SOX5: variants seen among roughly 807,000 people sequenced by gnomAD.
SOX5 encodes the protein transcription factor SOX-5.
A neutral mutation model predicts 92.0 loss-of-function variants in SOX5; 9 were observed. The ratio of observed to expected loss-of-function variants is 0.10; its 90% CI spans 0.06 to 0.17. The LOEUF (loss-of-function observed/expected upper bound fraction) is 0.17, where lower values mean the gene tolerates loss of function less well. Ranked by LOEUF, SOX5 falls within the 10% of genes least tolerant of loss-of-function variation. SOX5 has a pLI of 1.00. For missense variants in SOX5, 642 were observed against 944.5 expected (o/e 0.68, Z 4.20); for synonymous variants, 344 against 336.3 (o/e 1.02, Z -0.25).
At chr12:24,343,463 TTATA>T (rs565756073) in intron 2 of SOX5, among the ~76,000 whole-genome samples, 9 of 150,330 alleles carry the variant, frequency 6.0e-5, no homozygotes, top group African/African-American at 1.9e-4. Flanking sequence ...TAGGTATATA[TTATA>T]TATATATGAG....
chr12:24,542,724 C>T (rs1952255239), intron 1 of SOX5, among the ~76,000 whole-genome samples: 1 of 152,146 alleles, frequency 6.6e-6, no homozygotes. Flanking sequence ...TTTATTGACA[C>T]CAAATTGAAT....
chr12:23,870,832 A>T (rs972083066), intron 2 of SOX5, among the ~76,000 whole-genome samples: 13 of 151,948 alleles, frequency 8.6e-5, no homozygotes, highest in African/African-American at 3.1e-4. Flanking sequence ...TTTTTTCACT[A>T]TTTCTACTTA....
chr12:23,571,233 T>C (rs1205100989), intron 10 of SOX5, among the ~76,000 whole-genome samples: 3 of 151,872 alleles, frequency 2.0e-5, no homozygotes, highest in African/African-American at 7.3e-5. Flanking sequence ...CTTTAAGTCA[T>C]CGTGTCTTAA....
chr12:23,624,350 C>A (rs2138193042), intron 8 of SOX5, among the ~76,000 whole-genome samples: 1 of 152,146 alleles, frequency 6.6e-6, no homozygotes, highest in African/African-American at 2.4e-5. Flanking sequence ...TTATGTTAAA[C>A]ATATTTTACC....
At chr12:24,239,385 T>C (rs996919716) in intron 3 of SOX5, among the ~76,000 whole-genome samples, 8 of 152,240 alleles carry the variant, frequency 5.3e-5, no homozygotes, top group Non-Finnish European at 8.8e-5. Flanking sequence ...ATTTTATCTT[T>C]GGCAAAAGAT....
chr12:23,591,266 C>A (rs149499398), intron 9 of SOX5, among the ~76,000 whole-genome samples: 3 of 151,922 alleles, frequency 2.0e-5, no homozygotes, highest in Non-Finnish European at 4.4e-5. Context: ...AATGATATTA[C>A]AAACTATGAT....
intron 1 of SOX5, among the ~76,000 whole-genome samples, chr12:24,560,439 CA>C (rs1473502618): frequency 6.6e-6 from 1 of 152,180 alleles, no homozygotes; most frequent in Non-Finnish European, 1.5e-5. Flanking sequence ...GCATAATTTG[CA>C]GGAGAACTTT....
chr12:24,356,289 A>C (rs527464578), intron 2 of SOX5, among the ~76,000 whole-genome samples: 4 of 152,338 alleles, frequency 2.6e-5, no homozygotes, highest in Non-Finnish European at 5.9e-5. Flanking sequence ...GATGGTAGGT[A>C]GGGAACCAGC....
At position 23,895,915 on chromosome 12, in the gene SOX5, A is replaced by G. The variant is rs968139123; in HGVS notation, c.148T>C (p.Phe50Leu). The G allele has an allele frequency of 6.2e-7, 1 of 1,614,000 alleles. No homozygotes were observed. ...EEEESDGLPA[F>L]HLPLHVSFPN... ...AAACTCACATGCAAGGGAAGGTGAA[A>G]GGCTGGGAGCCCGTCACTCTCCTCT... The change falls in exon 2 of 15, where the codon TTT becomes CTT. Residue 50 changes from phenylalanine to leucine, a missense_variant. By Grantham distance (22) the Phe-to-Leu change is conservative (BLOSUM62 0). Transcript: ENST00000451604.
intron 8 of SOX5, among the ~76,000 whole-genome samples, chr12:23,631,335 G>T (rs1177473205): frequency 6.6e-6 from 1 of 151,972 alleles, no homozygotes; most frequent in Non-Finnish European, 1.5e-5. Flanking sequence ...CAACAATTAG[G>T]CTGAAGAACA....
intron 4 of SOX5, among the ~76,000 whole-genome samples, chr12:24,106,358 T>C (rs1459684240): frequency 6.6e-6 from 1 of 152,154 alleles, no homozygotes; most frequent in Admixed American, 6.5e-5. Flanking sequence ...CTGTGGATAC[T>C]TACAAAACAT....
In SOX5 at chr12:24,088,517, G is replaced by A. The variant is rs146507041; in HGVS notation, c.-2+124826C>T. ...TTGATTGGTGAACAAGAGAAGCACC[G>A]AGAGAAAACACACATATGAATTTGA... On this transcript the variant is annotated intron_variant, in intron 4 of 4. Transcript: ENST00000446891. Among the ~76,000 whole-genome samples, 1,259 of 151,686 alleles carry A rather than the reference G, an allele frequency of 8.3e-3. 15 individuals carry two copies. Among genetic ancestry groups the A allele is most frequent in the African/African-American group, 0.028 (1,177 of 41,376 alleles).
intron 2 of SOX5, among the ~76,000 whole-genome samples, chr12:24,283,083 G>A (rs1016693915): frequency 4.6e-5 from 7 of 152,198 alleles, no homozygotes; most frequent in Admixed American, 1.3e-4. Flanking sequence ...CACTGAGAAC[G>A]TGCCGTAGTC....
chr12:24,207,944 T>A (rs1958189251), intron 4 of SOX5, among the ~76,000 whole-genome samples: 1 of 152,170 alleles, frequency 6.6e-6, no homozygotes, highest in African/African-American at 2.4e-5. Context: ...CTCAAAACAA[T>A]TCATGCCCTC....
At chr12:24,200,272 C>T (rs1160614526) in intron 4 of SOX5, among the ~76,000 whole-genome samples, 2 of 152,138 alleles carry the variant, frequency 1.3e-5, no homozygotes, top group South Asian at 2.1e-4. Context: ...AGTTCCTTGT[C>T]CACAAAAGCA....
chr12:24,067,697 C>G (rs1262439062), intron 4 of SOX5, among the ~76,000 whole-genome samples: 2 of 152,156 alleles, frequency 1.3e-5, no homozygotes, highest in African/African-American at 2.4e-5. Context: ...TCCTTCTCTA[C>G]AGCTTGCCTT....
intron 4 of SOX5, among the ~76,000 whole-genome samples, chr12:23,976,070 T>C (rs556158340): frequency 3.3e-5 from 5 of 152,218 alleles, no homozygotes; most frequent in Admixed American, 2.6e-4. Context: ...ACCAATTTTG[T>C]ATTTGACTCT....
intron 4 of SOX5, among the ~76,000 whole-genome samples, chr12:23,985,937 C>G (rs1950022038): frequency 1.3e-5 from 2 of 152,144 alleles, no homozygotes; most frequent in South Asian, 4.2e-4. Context: ...GTGTTTAAAG[C>G]CAGCAATGGT....
chr12:24,465,413 G>A (rs1461063471), intron 1 of SOX5, among the ~76,000 whole-genome samples: 1 of 152,200 alleles, frequency 6.6e-6, no homozygotes, highest in African/African-American at 2.4e-5. Context: ...TTTAAGAGAT[G>A]CATTTATTCA....
Sources: gnomAD v4.1 joint callset for allele counts (sites outside exome capture counted in the v4.1 genomes callset) on GRCh38, gnomAD v4.1.1 for gene constraint, MANE v1.5 for transcripts, NCBI Gene and HGNC (gene_info 2026-07-23, HGNC 2026-07-21) for gene names.